The following CYYR1 variants were observed in gnomAD, a reference collection of about 807,000 sequenced individuals.
The protein encoded by CYYR1 is cysteine and tyrosine rich 1, also known as cysteine and tyrosine-rich protein 1.
In CYYR1, 14 loss-of-function variants were observed where a neutral mutation model predicts 15.2. The ratio of observed to expected loss-of-function variants is 0.92; its 90% CI spans 0.61 to 1.44. The LOEUF (loss-of-function observed/expected upper bound fraction) is 1.44, where lower values mean the gene tolerates loss of function less well. Ranked by LOEUF, CYYR1 falls within the 40% of genes most tolerant of loss-of-function variation. The pLI is 0.00. For synonymous variants in CYYR1, 80 were observed against 77.4 expected (o/e 1.03, Z -0.18); for missense variants, 228 against 209.5 (o/e 1.09, Z -0.54).
rs143381449 is a variant in CYYR1 at position 26,478,998 on chromosome 21, G to C, written c.334+1274C>G. On this transcript the variant is annotated intron_variant, in intron 3 of 3. Transcript: ENST00000652641. ...TCCAAGTTTAGACATGTCAAATTTGGGATATTTATGAGACACTCAAGTGGA... is the reference window on the plus strand; with the variant it reads ...TCCAAGTTTAGACATGTCAAATTTGCGATATTTATGAGACACTCAAGTGGA... Among the ~76,000 whole-genome samples the C allele has an allele frequency of 4.6e-5, 7 of 152,046 alleles. No homozygotes were observed. The East Asian group carries it at 1.4e-3, about 29-fold the overall frequency.
intron 2 of CYYR1, among the ~76,000 whole-genome samples, chr21:26,502,283 T>C (rs917770570): frequency 6.7e-6 from 1 of 148,198 alleles, no homozygotes; most frequent in African/African-American, 2.5e-5. Context: ...TTATTTGCTA[T>C]GTATAGAATT....
chr21:26,479,032 A>G (rs1027014124), intron 3 of CYYR1, among the ~76,000 whole-genome samples: 1 of 152,120 alleles, frequency 6.6e-6, no homozygotes, highest in Non-Finnish European at 1.5e-5. Context: ...GAGATGTTCA[A>G]TAGGCACTGG....
At position 26,482,498 on chromosome 21, in the gene CYYR1, C is replaced by T. The variant is rs770920011; in HGVS notation, c.177-2069G>A. The T allele has an allele frequency of 5.9e-4, 580 of 985,186 alleles. 2 individuals carry two copies. Among genetic ancestry groups the T allele is most frequent in the Non-Finnish European group, 6.7e-4 (556 of 829,908 alleles). 61.0% of individuals were successfully genotyped at this position (985,186 alleles called of 1,614,324 possible). ...AACTGTTCCCCTTGAGCCCTGTTTG[C>T]TGGTCCTCACATTTAGTTTCTGGAC... is the stretch of plus-strand genomic sequence containing the variant. On this transcript the variant is annotated intron_variant, in intron 2 of 3. Transcript: ENST00000652641.
intron 2 of CYYR1, among the ~76,000 whole-genome samples, chr21:26,520,182 T>C (rs111874642): frequency 2.0e-5 from 3 of 147,864 alleles, no homozygotes; most frequent in Admixed American, 6.8e-5. Context: ...CCGTGTGCCA[T>C]GGTGGTTTGC....
chr21:26,530,807 G>A (rs2065922256), intron 2 of CYYR1, among the ~76,000 whole-genome samples: 1 of 152,000 alleles, frequency 6.6e-6, no homozygotes, highest in East Asian at 1.9e-4. Flanking sequence ...CTTTTTTGTG[G>A]CCACATAGTA....
chr21:26,474,517 T>G (rs1422052510), intron 3 of CYYR1, among the ~76,000 whole-genome samples: 1 of 151,672 alleles, frequency 6.6e-6, no homozygotes, highest in Non-Finnish European at 1.5e-5. Context: ...GGGGTGATCT[T>G]ATACTACTTT....
intron 2 of CYYR1, chr21:26,518,393 A>T (rs1433565842): frequency 6.6e-6 from 1 of 152,242 alleles, no homozygotes; most frequent in African/African-American, 2.4e-5. Context: ...TAAAGTTATT[A>T]TCCCAGGTGT....
chr21:26,521,324 T>G (rs779683469), intron 2 of CYYR1, among the ~76,000 whole-genome samples: 1 of 152,250 alleles, frequency 6.6e-6, no homozygotes, highest in Non-Finnish European at 1.5e-5. Flanking sequence ...TAACCCATCA[T>G]GCTAACCAGC....
At chr21:26,531,264 G>A (rs2065926931) in intron 2 of CYYR1, among the ~76,000 whole-genome samples, 3 of 152,134 alleles carry the variant, frequency 2.0e-5, no homozygotes, top group Non-Finnish European at 4.4e-5. Context: ...GATGACTATT[G>A]CAAGATTGTG....
At chr21:26,549,047 GA>G (rs922748698) in intron 2 of CYYR1, among the ~76,000 whole-genome samples, 266 of 140,502 alleles carry the variant, frequency 1.9e-3, no homozygotes, top group East Asian at 0.015. Context: ...TGCAGTAAAA[GA>G]AAAAAAAAAA....
chr21:26,472,536 G>C (rs1203404210), intron 3 of CYYR1, among the ~76,000 whole-genome samples: 3 of 151,844 alleles, frequency 2.0e-5, no homozygotes, highest in Non-Finnish European at 4.4e-5. Flanking sequence ...CATTTCTTTT[G>C]ATAACAGCTA....
At chr21:26,567,325 C>G (rs73180829) in intron 1 of CYYR1, among the ~76,000 whole-genome samples, 3 of 152,194 alleles carry the variant, frequency 2.0e-5, no homozygotes, top group Non-Finnish European at 4.4e-5. Context: ...TACTTAATGT[C>G]AGATTGAGGA....
intron 2 of CYYR1, among the ~76,000 whole-genome samples, chr21:26,501,228 C>G (rs2065477772): frequency 6.6e-6 from 1 of 152,172 alleles, no homozygotes; most frequent in African/African-American, 2.4e-5. Context: ...ATCCTAGCTA[C>G]TCGGGAGGCT....
intron 1 of CYYR1, among the ~76,000 whole-genome samples, chr21:26,571,124 G>A (rs934252098): frequency 6.6e-6 from 1 of 152,116 alleles, no homozygotes; most frequent in Non-Finnish European, 1.5e-5. Context: ...TGATCATACC[G>A]TAGTTCCCAG....
At chr21:26,533,515 T>C (rs1347769922) in intron 2 of CYYR1, among the ~76,000 whole-genome samples, 1 of 152,104 alleles carries the variant, frequency 6.6e-6, no homozygotes, top group Non-Finnish European at 1.5e-5. Context: ...TCACCCCTCC[T>C]CTGCCTTTTT....
chr21:26,468,788 G>T (rs2064999230), intron 3 of CYYR1, among the ~76,000 whole-genome samples, 154 bp from the exon 4 acceptor site: 1 of 152,152 alleles, frequency 6.6e-6, no homozygotes. Flanking sequence ...TGTATGAAAG[G>T]GTAAGTGCTC....
chr21:26,504,949 G>C (rs940614577), intron 2 of CYYR1, among the ~76,000 whole-genome samples: 1 of 152,172 alleles, frequency 6.6e-6, no homozygotes, highest in Non-Finnish European at 1.5e-5. Context: ...TGAACATAAT[G>C]ATCTCCAGTT....
chr21:26,481,108 CA>C (rs1488802886), intron 2 of CYYR1, among the ~76,000 whole-genome samples: 1 of 152,018 alleles, frequency 6.6e-6, no homozygotes, highest in African/African-American at 2.4e-5. Context: ...AGCCGAATAG[CA>C]GAAAAGAGTC....
intron 2 of CYYR1, among the ~76,000 whole-genome samples, chr21:26,505,028 T>C (rs2065535887): frequency 6.6e-6 from 1 of 152,226 alleles, no homozygotes; most frequent in Non-Finnish European, 1.5e-5. Flanking sequence ...GTTAGGAACA[T>C]ATTCAGGCTA....
Sources: gnomAD v4.1 joint callset for allele counts (sites outside exome capture counted in the v4.1 genomes callset) on GRCh38, gnomAD v4.1.1 for gene constraint, MANE v1.5 for transcripts, NCBI Gene and HGNC (gene_info 2026-07-23, HGNC 2026-07-21) for gene names.